Variants in MOSMO observed in about 807,000 individuals in gnomAD.
MOSMO encodes modulator of smoothened.
In MOSMO, 5 loss-of-function variants were observed where a neutral mutation model predicts 18.4. The ratio of observed to expected loss-of-function variants is 0.27; its 90% CI spans 0.14 to 0.57. The LOEUF (loss-of-function observed/expected upper bound fraction) is 0.57, where lower values mean the gene tolerates loss of function less well. MOSMO is among the 20% of genes least tolerant of loss of function. The pLI is 0.92. For missense variants in MOSMO, 138 were observed against 211.8 expected (o/e 0.65, Z 2.16); for synonymous variants, 82 against 82.3 (o/e 1.00, Z 0.02).
Position 22,060,964 on chromosome 16 carries a change from C to G in MOSMO, c.107-14523C>G, listed in dbSNP as rs1194513586. Among the ~76,000 whole-genome samples the G allele has an allele frequency of 2.0e-5, 3 of 151,838 alleles. No homozygotes were observed. The East Asian group carries it at 5.8e-4, about 29-fold the overall frequency. On this transcript the variant is annotated intron_variant, in intron 1 of 2. Transcript: ENST00000542527. Reference sequence around the variant, plus strand: ...ATTTAAACATACACTTACCATATGACTAAGCTTTTCACTCCTAGGTATTAA... The same window carrying G: ...ATTTAAACATACACTTACCATATGAGTAAGCTTTTCACTCCTAGGTATTAA...
At position 22,082,797 on chromosome 16, in the gene MOSMO, A is replaced by C. The variant is rs530325641; in HGVS notation, c.*1917A>C. ...TTGAGCTCACTCAGGAATTGGGGAGAGAGATGGACCACCACTGTGGTGCAT... is the reference window on the plus strand; with the variant it reads ...TTGAGCTCACTCAGGAATTGGGGAGCGAGATGGACCACCACTGTGGTGCAT... On this transcript the variant is annotated 3_prime_UTR_variant, in exon 3 of 3. Coordinates refer to ENST00000542527, the MANE Select transcript of MOSMO (RefSeq NM_001164579.2). The C allele has an allele frequency of 3.3e-5, 5 of 152,290 alleles. No individual in the cohort carries two copies. Among genetic ancestry groups the C allele is most frequent in the Non-Finnish European group, 7.3e-5 (5 of 68,032 alleles). 9.4% of individuals were successfully genotyped at this position (152,290 alleles called of 1,614,324 possible).
chr16:22,032,181 C>T (rs1056557065), intron 1 of MOSMO, among the ~76,000 whole-genome samples: 12 of 151,274 alleles, frequency 7.9e-5, no homozygotes, highest in African/African-American at 2.9e-4. Context: ...TGATCCTCTA[C>T]CCTTTTCTTT....
chr16:22,041,754 T>C (rs1205598292), intron 1 of MOSMO, among the ~76,000 whole-genome samples: 2 of 152,086 alleles, frequency 1.3e-5, no homozygotes, highest in Non-Finnish European at 2.9e-5. Flanking sequence ...CATGGCTCAC[T>C]GCAGCCTTGA....
chr16:22,080,861 A>G lies in MOSMO; in HGVS notation c.485A>G (p.Lys162Arg), dbSNP rs2141787798. ...ATAGTAGGACTTCTATTTGCTGGCAAAGTTTGTTTACCAGGCTGATGAATG... is the reference window on the plus strand; with the variant it reads ...ATAGTAGGACTTCTATTTGCTGGCAGAGTTTGTTTACCAGGCTGATGAATG... Reference protein sequence around the residue: ...FTIVGLLFAGKVCLPG With the variant: ...FTIVGLLFAGRVCLPG Residue 162 changes from lysine to arginine, a missense_variant, in exon 3 of 3, where the codon AAA (lysine) becomes AGA (arginine). By Grantham distance (26) the Lys-to-Arg change is conservative. Coordinates refer to ENST00000542527, the MANE Select transcript of MOSMO (RefSeq NM_001164579.2). 7.1e-7 allele frequency: 1 copy of G among 1,407,376 alleles called. No individual in the cohort carries two copies. The highest frequency in any genetic ancestry group is 2.8e-5 in the East Asian group (1 of 35,342). 87.2% of individuals were successfully genotyped at this position (1,407,376 alleles called of 1,614,324 possible).
rs1481991482 is a variant in MOSMO at position 22,008,118 on chromosome 16, TCTGTGCGGGCCGCGCCGCGG to T, written c.-180_-161del. 7.0e-6 allele frequency: 1 copy of T among 143,486 alleles called. No homozygotes were observed. Among genetic ancestry groups the T allele is most frequent in the African/African-American group, 2.6e-5 (1 of 39,022 alleles). The allele number at this position is 143,486 out of a possible 1,614,324, so 8.9% of individuals were successfully genotyped here. Reference sequence around the variant, plus strand: ...AGTTCCGGGGCGGGCGGCGGTTCCGTCTGTGCGGGCCGCGCCGCGGCTGCTGGTCCCGGGCGCGCGGAGGG... The same window carrying T: ...AGTTCCGGGGCGGGCGGCGGTTCCGTCTGCTGGTCCCGGGCGCGCGGAGGG... On this transcript the variant is annotated 5_prime_UTR_variant, in exon 1 of 3. Coordinates refer to ENST00000542527, the MANE Select transcript of MOSMO (RefSeq NM_001164579.2).
intron 1 of MOSMO, 100 bp from the exon 2 acceptor site, chr16:22,075,387 A>C: frequency 2.5e-6 from 2 of 812,046 alleles, no homozygotes; most frequent in Non-Finnish European, 3.8e-6. Flanking sequence ...TGACCCACGA[A>C]GAGATAAATG....
intron 1 of MOSMO, among the ~76,000 whole-genome samples, chr16:22,063,739 G>A (rs1422016570): frequency 6.6e-6 from 1 of 152,168 alleles, no homozygotes; most frequent in Admixed American, 6.5e-5. Flanking sequence ...CTGACAAGAG[G>A]AACCCAAAGA....
intron 1 of MOSMO, among the ~76,000 whole-genome samples, chr16:22,050,761 T>C (rs577553953): frequency 2.8e-4 from 43 of 151,792 alleles, no homozygotes; most frequent in African/African-American, 1.0e-3. Context: ...TACATGCCTG[T>C]GTCAGGATTG....
intron 1 of MOSMO, among the ~76,000 whole-genome samples, chr16:22,070,843 C>A (rs1156515264): frequency 6.6e-6 from 1 of 152,084 alleles, no homozygotes; most frequent in Non-Finnish European, 1.5e-5. Flanking sequence ...ATTCAGAGGG[C>A]GAGCTGCCAG....
At chr16:22,029,212 G>A (rs934912018) in intron 1 of MOSMO, among the ~76,000 whole-genome samples, 4 of 152,258 alleles carry the variant, frequency 2.6e-5, no homozygotes, top group East Asian at 1.9e-4. Flanking sequence ...ATGGTTTAAT[G>A]TACATACATT....
At chr16:22,030,774 C>T (rs1221188666) in intron 1 of MOSMO, among the ~76,000 whole-genome samples, 1 of 152,172 alleles carries the variant, frequency 6.6e-6, no homozygotes, top group African/African-American at 2.4e-5. Context: ...AGTGATATGC[C>T]CACCTTGGCC....
intron 1 of MOSMO, among the ~76,000 whole-genome samples, chr16:22,027,989 G>A (rs1020281190): frequency 4.6e-5 from 7 of 152,012 alleles, no homozygotes; most frequent in African/African-American, 7.2e-5. Flanking sequence ...AAAATGTATC[G>A]TTTTTTAGGT....
chr16:22,077,849 A>G (rs1172227621), intron 2 of MOSMO, among the ~76,000 whole-genome samples: 3 of 152,028 alleles, frequency 2.0e-5, no homozygotes, highest in African/African-American at 4.8e-5. Flanking sequence ...CCTTAAATAC[A>G]TTGTTTTTGG....
chr16:22,028,127 CTCTA>C (rs952659849), intron 1 of MOSMO, among the ~76,000 whole-genome samples: 1 of 152,086 alleles, frequency 6.6e-6, no homozygotes. Flanking sequence ...CAATAAAAAT[CTCTA>C]TCTTCAGTTA....
rs1204887274 is a variant in MOSMO at position 22,084,086 on chromosome 16, A to G, written c.*3206A>G. 5.6e-6 allele frequency: 1 copy of G among 178,416 alleles called. No homozygotes were observed. The highest frequency in any genetic ancestry group is 2.4e-5 in the African/African-American group (1 of 41,588). 11.1% of individuals were successfully genotyped at this position (178,416 alleles called of 1,614,324 possible). On this transcript the variant is annotated 3_prime_UTR_variant, in exon 3 of 3. Transcript: ENST00000542527. ...CTGTGAATTCACTGTTTAATCTATT[A>G]AGTGAAATAATAAATAGTCCTGGTG...
intron 1 of MOSMO, among the ~76,000 whole-genome samples, chr16:22,008,785 A>G (rs1899451315): frequency 6.7e-6 from 1 of 149,936 alleles, no homozygotes; most frequent in Non-Finnish European, 1.5e-5. Context: ...AGACGGGAGG[A>G]AACTGAGGCT....
intron 1 of MOSMO, among the ~76,000 whole-genome samples, chr16:22,073,391 A>C (rs1367463341): frequency 6.6e-6 from 1 of 152,132 alleles, no homozygotes; most frequent in East Asian, 1.9e-4. Context: ...ATCTTTTATA[A>C]ATGGAACAGT....
At chr16:22,058,686 A>C (rs1440635596) in intron 1 of MOSMO, among the ~76,000 whole-genome samples, 81 of 152,170 alleles carry the variant, frequency 5.3e-4, no homozygotes, top group Admixed American at 5.3e-3. Context: ...TAGTGGTGCC[A>C]TTGAGAAGGA....
chr16:22,031,905 A>G (rs960607236), intron 1 of MOSMO, among the ~76,000 whole-genome samples: 6 of 152,068 alleles, frequency 3.9e-5, no homozygotes, highest in African/African-American at 1.4e-4. Context: ...CAGTCATTGT[A>G]TCTTTAACTT....
Sources: allele counts gnomAD v4.1 joint callset (sites outside exome capture counted in the v4.1 genomes callset), GRCh38; gene constraint gnomAD v4.1.1; transcripts MANE v1.5; gene names NCBI Gene and HGNC (gene_info 2026-07-23, HGNC 2026-07-21).